ARAP3: variants seen among roughly 807,000 people sequenced by gnomAD.
ARAP3 encodes the protein arf-GAP with Rho-GAP domain, ANK repeat and PH domain-containing protein 3.
ARAP3 carries 82 observed loss-of-function variants against 169.2 expected under a neutral mutation model. That is an observed-to-expected ratio of 0.48 (90% CI 0.41 to 0.58). ARAP3 has a LOEUF of 0.58. Ranked by LOEUF, ARAP3 falls within the 20% of genes least tolerant of loss-of-function variation. ARAP3 has a pLI of 0.00. For missense variants in ARAP3, 1,764 were observed against 2,018.0 expected, an observed-to-expected ratio of 0.87 and a Z score of 2.41; for synonymous variants, 791 against 800.3, an observed-to-expected ratio of 0.99 and a Z score of 0.20.
intron 13 of ARAP3, 59 bp from the exon 14 acceptor site, chr5:141,670,687 C>T (rs1347451150): frequency 6.9e-7 from 1 of 1,454,804 alleles, no homozygotes; most frequent in Admixed American, 1.7e-5. Context: ...ACCTGACCCC[C>T]TCTGGGGAAG....
chr5:141,659,683 G>C, intron 22 of ARAP3, 96 bp downstream of exon 22: 1 of 1,517,872 alleles, frequency 6.6e-7, no homozygotes, highest in Non-Finnish European at 8.9e-7. Context: ...CAGAGGCCTG[G>C]GCTGGGGGCT....
chr5:141,671,183 T>C lies in ARAP3; in HGVS notation c.1990+82A>G, dbSNP rs995425954. On this transcript the variant is annotated intron_variant, in intron 13 of 32. Transcript: ENST00000239440. The surrounding 1 kb of genome is among the most constrained non-coding windows in gnomAD (Gnocchi z 4.9). ...AGGCTGGGCCATTGTGATCAGCTAATTGGGGCCCCTTGGAAGAACTGAATC... is the reference window on the plus strand; with the variant it reads ...AGGCTGGGCCATTGTGATCAGCTAACTGGGGCCCCTTGGAAGAACTGAATC... 12 of 1,519,550 alleles carry C rather than the reference T, an allele frequency of 7.9e-6. No homozygotes were observed. The highest frequency in any genetic ancestry group is 1.8e-4 in the Middle Eastern group (1 of 5,608). The allele number at this position is 1,519,550 out of a possible 1,614,324, so 94.1% of individuals were successfully genotyped here.
chr5:141,671,503 C>A lies in ARAP3; in HGVS notation c.1854+67G>T. 1 of 1,608,234 alleles carries A rather than the reference C, an allele frequency of 6.2e-7. No homozygotes were observed. The highest frequency in any genetic ancestry group is 8.5e-7 in the Non-Finnish European group (1 of 1,177,562). On this transcript the variant is annotated intron_variant, in intron 12 of 32. Coordinates refer to ENST00000239440, the MANE Select transcript of ARAP3 (RefSeq NM_022481.6). The surrounding 1 kb of genome is among the most constrained non-coding windows in gnomAD (Gnocchi z 4.9). Reference sequence around the variant, plus strand: ...ACAGTCCCCACCACCCAAGTCTAGGCATTCCAACTCCAGAGAGTGTTTCCT... The same window carrying A: ...ACAGTCCCCACCACCCAAGTCTAGGAATTCCAACTCCAGAGAGTGTTTCCT...
intron 4 of ARAP3, among the ~76,000 whole-genome samples, chr5:141,678,702 G>A (rs2099912544): frequency 6.6e-6 from 1 of 151,634 alleles, no homozygotes; most frequent in African/African-American, 2.4e-5. Flanking sequence ...TGGCCAGGCT[G>A]GTCTCAAACT....
intron 21 of ARAP3, among the ~76,000 whole-genome samples, chr5:141,660,405 A>G (rs1336873175): frequency 6.6e-6 from 1 of 151,322 alleles, no homozygotes; most frequent in African/African-American, 2.4e-5. Context: ...GAGGCAGGAG[A>G]ATGGCGTGAA....
At chr5:141,673,561 TC>T in intron 5 of ARAP3, 43 bp downstream of exon 5, 1 of 1,612,166 alleles carries the variant, frequency 6.2e-7, no homozygotes, top group African/African-American at 1.3e-5. Context: ...CGCAACCACC[TC>T]CCAGCCTCTC....
At chr5:141,658,264 AC>A in intron 25 of ARAP3, 100 bp downstream of exon 25, 2 of 1,154,938 alleles carry the variant, frequency 1.7e-6, no homozygotes. Context: ...TCCATGAGTT[AC>A]CATTCATATT....
At chr5:141,655,206 CACACACACCCTGATGGCCT>C (rs1172531545) in intron 32 of ARAP3, among the ~76,000 whole-genome samples, 137 bp downstream of exon 32, 3 of 132,976 alleles carry the variant, frequency 2.3e-5, no homozygotes, top group Non-Finnish European at 3.2e-5. Context: ...CACACACACA[CACACACACCCTGATGGCCT>C]ACACACACAC....
rs2099909996 is a variant in ARAP3 at position 141,661,699 on chromosome 5, A to G, written c.3104T>C (p.Ile1035Thr). Residue 1035 changes from isoleucine (I) to threonine (T), a missense_variant, in exon 21 of 33, where the codon ATT (isoleucine) becomes ACT (threonine). Physicochemically the swap from Ile to Thr is moderately conservative, Grantham distance 89. This residue lies in a region of ARAP3 where 1,112 missense variants were observed against 1,285.7 expected (regional missense o/e 0.86). Transcript: ENST00000239440. ...CCATACTGACCGATAGAGATGCCCA[A>G]TGAGGGTGGCCAGTGTGCGGCGGTT... The part of the protein sequence containing the change: ...RVNRRTLATL[I>T]GHLYRVQKCA... 2 of 1,614,112 alleles carry G rather than the reference A, an allele frequency of 1.2e-6. No homozygotes were observed. The highest frequency in any genetic ancestry group is 1.1e-5 in the South Asian group (1 of 91,092).
At chr5:141,655,258 A>ACACACACACACACACACACACAC (rs1491503001) in intron 32 of ARAP3, 104 bp downstream of exon 32, 1 of 1,108,140 alleles carries the variant, frequency 9.0e-7, no homozygotes, top group Admixed American at 2.2e-5. Flanking sequence ...ACACACACAC[A>ACACACACACACACACACACACAC]CCCCCTGATG....
chr5:141,679,768 T>A lies in ARAP3; in HGVS notation c.579A>T (p.Thr193=), dbSNP rs1021803315. Residue 193 remains threonine (T), a synonymous_variant, in exon 3 of 33, where the codon ACA becomes ACT. Coordinates refer to ENST00000239440, the MANE Select transcript of ARAP3 (RefSeq NM_022481.6). ...CCGTGATAACCCAGTTACCTGTGCC[T>A]GTTGTGGGCCTGAGGGCAGGGGTGG... ...SAPTPALRPT[T]GTVHIMDPGC... The A allele has an allele frequency of 1.2e-6, 2 of 1,614,050 alleles. No individual in the cohort carries two copies. Among genetic ancestry groups the A allele is most frequent in the Non-Finnish European group, 1.7e-6 (2 of 1,180,010 alleles).
intron 21 of ARAP3, among the ~76,000 whole-genome samples, chr5:141,660,638 A>G (rs932689310): frequency 6.6e-6 from 1 of 151,866 alleles, no homozygotes; most frequent in Non-Finnish European, 1.5e-5. Flanking sequence ...GTATATTTTT[A>G]TTATTTATTT....
At position 141,672,516 on chromosome 5, in the gene ARAP3, T is replaced by TC. The variant is rs1330189401; in HGVS notation, c.1385+35dup. The TC allele has an allele frequency of 1.9e-6, 3 of 1,609,442 alleles. No individual in the cohort carries two copies. Among genetic ancestry groups the TC allele is most frequent in the Non-Finnish European group, 2.5e-6 (3 of 1,177,728 alleles). ...TGCACCCTTGTGCCTCCCGCAAAAG[T>TC]CCCCCAGCCTTGCCTCCCACTGGCC... On this transcript the variant is annotated intron_variant, in intron 9 of 32. Transcript: ENST00000239440. The surrounding 1 kb of genome is among the most constrained non-coding windows in gnomAD (Gnocchi z 4.9).
In ARAP3 at chr5:141,656,487, T is replaced by G. The variant is rs1210688864; in HGVS notation, c.3789+17A>C. On this transcript the variant is annotated intron_variant, in intron 27 of 32. Coordinates refer to ENST00000239440, the MANE Select transcript of ARAP3 (RefSeq NM_022481.6). ...ATGGCCACCCAGCATCCCACACCTC[T>G]GGCCCCAGGGCCTCACTTTCTTCTC... The G allele has an allele frequency of 1.2e-6, 2 of 1,608,316 alleles. No individual in the cohort carries two copies.
chr5:141,653,994 G>A lies in ARAP3; in HGVS notation c.4591C>T (p.Pro1531Ser). ...GAGGGTGGACTGGAAGTGCATGGGG[G>A]TTGGGTGGGGAAGCCAGGTGTCTGT... ...PTQTPGFPTQ[P>S]PCTSSPPSSQ... The change falls in exon 33 of 33, where the codon CCC (proline) becomes TCC (serine). Residue 1531 changes from proline (P) to serine (S), a missense_variant. Around this residue, in one of 3 missense-constraint regions of ARAP3, gnomAD observed 1,112 missense variants for 1,285.7 expected, o/e 0.86. Coordinates refer to ENST00000239440, the MANE Select transcript of ARAP3 (RefSeq NM_022481.6). The A allele has an allele frequency of 6.4e-7, 1 of 1,553,096 alleles. No individual in the cohort carries two copies. The highest frequency in any genetic ancestry group is 8.7e-7 in the Non-Finnish European group (1 of 1,150,234).
chr5:141,667,618 G>A (rs1416521578), intron 16 of ARAP3, among the ~76,000 whole-genome samples: 11 of 150,356 alleles, frequency 7.3e-5, no homozygotes, highest in Non-Finnish European at 1.2e-4. Context: ...TAGTAGAGAC[G>A]GGGTTTCACC....
intron 4 of ARAP3, among the ~76,000 whole-genome samples, chr5:141,676,412 G>A (rs1008315657): frequency 2.0e-5 from 3 of 152,134 alleles, no homozygotes; most frequent in African/African-American, 7.2e-5. Context: ...CCAACTCTCT[G>A]CTCTTCTTTG....
At chr5:141,673,188 A>C in intron 6 of ARAP3, 55 bp from the exon 7 acceptor site, 1 of 1,610,842 alleles carries the variant, frequency 6.2e-7, no homozygotes, top group South Asian at 1.1e-5. Context: ...CATGTGTGCC[A>C]GCCCCTGGGT....
rs745462041 is a variant in ARAP3 at position 141,656,267 on chromosome 5, G to C, written c.3799C>G (p.Pro1267Ala). ...CCTTCCAAAGGCCACTCCCGTTCTG[G>C]TTTAGAGCTCTGAGAACAGAAACAG... ...LLLKEKKSSK[P>A]EREWPLEGAK... is the part of the protein sequence containing the mutation. The change falls in exon 28 of 33, where the codon CCA (proline) becomes GCA (alanine). Residue 1267 changes from proline to alanine, a missense_variant. By Grantham distance (27) the Pro-to-Ala change is conservative (BLOSUM62 -1). Transcript: ENST00000239440. 2 of 1,614,174 alleles carry C rather than the reference G, an allele frequency of 1.2e-6. No homozygotes were observed. Among genetic ancestry groups the C allele is most frequent in the Non-Finnish European group, 1.7e-6 (2 of 1,180,032 alleles).
Sources: allele counts gnomAD v4.1 joint callset (sites outside exome capture counted in the v4.1 genomes callset), GRCh38; gene constraint gnomAD v4.1.1; regional missense constraint gnomAD v4.1.1; non-coding constraint Gnocchi (gnomAD v3.1); transcripts MANE v1.5; gene names NCBI Gene and HGNC (gene_info 2026-07-23, HGNC 2026-07-21).